SNHG17: variants seen among roughly 807,000 people sequenced by gnomAD.
SNHG17 encodes the protein small nucleolar RNA host gene 17.
At chr20:38,434,804 G>A (rs2084404110) in intron 1 of SNHG17, 1 of 971,064 alleles carries the variant, frequency 1.0e-6, no homozygotes, top group African/African-American at 1.7e-5. Context: ...ACGAGTTAAC[G>A]GTCTCAAGGA....
intron 2 of SNHG17, among the ~76,000 whole-genome samples, chr20:38,434,294 A>G (rs1423331875): frequency 6.6e-6 from 1 of 152,220 alleles, no homozygotes; most frequent in Admixed American, 6.5e-5. Flanking sequence ...CAGTTTCCCT[A>G]CTTTACAGAA....
chr20:38,435,261 T>G (rs905823063), exon 1 of SNHG17: 40 of 1,231,758 alleles, frequency 3.2e-5, no homozygotes, highest in Non-Finnish European at 3.9e-5. Flanking sequence ...TCAAGATGTC[T>G]GCAGATTTCG....
chr20:38,423,487 T>C (rs2084193512), intron 5 of SNHG17, among the ~76,000 whole-genome samples: 2 of 140,098 alleles, frequency 1.4e-5, no homozygotes, highest in Admixed American at 7.1e-5. Flanking sequence ...TGGAGGATAT[T>C]ATGTTAAATG....
At chr20:38,430,416 G>C (rs1485472249) in intron 3 of SNHG17, among the ~76,000 whole-genome samples, 1 of 151,976 alleles carries the variant, frequency 6.6e-6, no homozygotes, top group Non-Finnish European at 1.5e-5. Context: ...GATTGCCAGA[G>C]GTCAGGAGTT....
intron 5 of SNHG17, among the ~76,000 whole-genome samples, chr20:38,422,686 G>A (rs939744958): frequency 1.3e-5 from 2 of 151,972 alleles, no homozygotes; most frequent in South Asian, 4.1e-4. Context: ...ACTCCCAATC[G>A]CCAAGATACG....
intron 3 of SNHG17, chr20:38,428,246 C>G (rs2084282162): frequency 6.6e-6 from 1 of 152,286 alleles, no homozygotes; most frequent in Non-Finnish European, 1.5e-5. Context: ...CAGGGGCCTC[C>G]TCCTCCACAG....
chr20:38,430,383 A>C (rs1435012570), intron 3 of SNHG17, among the ~76,000 whole-genome samples: 2 of 152,134 alleles, frequency 1.3e-5, no homozygotes, highest in Non-Finnish European at 2.9e-5. Context: ...TAATCACAGC[A>C]CTTTGGGAGG....
chr20:38,434,131 TC>T, intron 2 of SNHG17: 1 of 406,230 alleles, frequency 2.5e-6, no homozygotes, highest in South Asian at 1.8e-5. Flanking sequence ...ATTCCATCTG[TC>T]CCCACCCAGA....
chr20:38,425,407 G>A (rs761110859), intron 5 of SNHG17: 1 of 461,478 alleles, frequency 2.2e-6, no homozygotes, highest in South Asian at 1.5e-5. Context: ...TAAGAGACCT[G>A]GAAACAAGTC....
rs41282826 is a variant in SNHG17 at position 38,428,775 on chromosome 20, C to T, written n.380+2266G>A. 3.4e-3 allele frequency: 514 copies of T among 152,346 alleles called. 1 individual carries two copies. Among genetic ancestry groups the T allele is most frequent in the Middle Eastern group, 6.8e-3 (2 of 294 alleles). The allele number at this position is 152,346 out of a possible 1,614,324, so 9.4% of individuals were successfully genotyped here. ...GGGGAAGCCGTGCAGAGGCTGCTGC[C>T]GTAAATCCCTCAGTGATCTTCTCCC... On this transcript the variant is annotated intron_variant and non_coding_transcript_variant, in intron 3 of 8. Transcript: ENST00000654008.
At chr20:38,432,973 G>GT (rs1051590016) in intron 2 of SNHG17, among the ~76,000 whole-genome samples, 3 of 151,534 alleles carry the variant, frequency 2.0e-5, no homozygotes, top group East Asian at 1.9e-4. Flanking sequence ...TCCAGCTCCT[G>GT]TTTTTTGTTT....
At chr20:38,431,953 C>A in intron 2 of SNHG17, 1 of 975,472 alleles carries the variant, frequency 1.0e-6, no homozygotes, top group Non-Finnish European at 1.2e-6. Flanking sequence ...CATGCACCCA[C>A]CCTTGTGGGA....
intron 3 of SNHG17, among the ~76,000 whole-genome samples, chr20:38,430,472 T>C: frequency 6.6e-6 from 1 of 150,996 alleles, no homozygotes; most frequent in Non-Finnish European, 1.5e-5. Flanking sequence ...ATAGAAAAAA[T>C]TAGCTGGACA....
chr20:38,431,882 G>A, intron 2 of SNHG17: 1 of 411,142 alleles, frequency 2.4e-6, no homozygotes, highest in Non-Finnish European at 3.3e-6. Context: ...ACTGGGGCCA[G>A]CACAAAGACA....
chr20:38,430,524 G>A (rs1294444444), intron 3 of SNHG17, among the ~76,000 whole-genome samples: 1 of 151,698 alleles, frequency 6.6e-6, no homozygotes, highest in African/African-American at 2.4e-5. Context: ...AGGAGACTGA[G>A]GCAGGGAGAA....
At chr20:38,430,246 G>A (rs754769694) in intron 3 of SNHG17, among the ~76,000 whole-genome samples, 5 of 151,800 alleles carry the variant, frequency 3.3e-5, no homozygotes, top group Non-Finnish European at 5.9e-5. Flanking sequence ...ATTTGAACCC[G>A]GGAAGTGGAG....
intron 2 of SNHG17, among the ~76,000 whole-genome samples, chr20:38,434,282 T>C (rs1366600906): frequency 6.6e-6 from 1 of 152,234 alleles, no homozygotes; most frequent in African/African-American, 2.4e-5. Flanking sequence ...AGAGAGCCTT[T>C]GCAGTTTCCC....
intron 3 of SNHG17, among the ~76,000 whole-genome samples, chr20:38,430,457 TAAAAATAGA>T (rs2084324169): frequency 6.7e-6 from 1 of 149,434 alleles, no homozygotes; most frequent in Non-Finnish European, 1.5e-5. Flanking sequence ...CCATCTCTAC[TAAAAATAGA>T]AAAAATTAGC....
rs2084411996 is a variant in SNHG17, at chr20:38,435,228, C to A, written n.154G>T. On this transcript the variant is annotated non_coding_transcript_exon_variant, in exon 1 of 9. Coordinates refer to ENST00000654008, the Ensembl canonical transcript of SNHG17. ...CCCTGGCGTCGAGTGGCGGCGGAGACCTGACAGACAGCGTGGGAAAAATCA... is the reference window on the plus strand; with the variant it reads ...CCCTGGCGTCGAGTGGCGGCGGAGAACTGACAGACAGCGTGGGAAAAATCA... 4.9e-6 allele frequency: 6 copies of A among 1,231,996 alleles called. No individual in the cohort carries two copies. The African/African-American group carries it at 7.7e-5, about 16-fold the overall frequency. The allele number at this position is 1,231,996 out of a possible 1,614,324, so 76.3% of individuals were successfully genotyped here. A position where few individuals can be genotyped will look rare whatever the true frequency, so the allele number is the denominator to read the frequency against.
Sources: gnomAD v4.1 joint callset for allele counts (sites outside exome capture counted in the v4.1 genomes callset) on GRCh38, gnomAD v4.1.1 for gene constraint, MANE v1.5 for transcripts, NCBI Gene and HGNC (gene_info 2026-07-23, HGNC 2026-07-21) for gene names.